Variants in TMOD4 observed in about 807,000 individuals in gnomAD.
The protein encoded by TMOD4 is tropomodulin-4.
TMOD4 carries 34 observed loss-of-function variants against 45.4 expected under a neutral mutation model. The ratio of observed to expected loss-of-function variants is 0.75; its 90% CI spans 0.57 to 1.00. The LOEUF (loss-of-function observed/expected upper bound fraction) is 1.00. TMOD4 is among the 50% of genes least tolerant of loss of function. The pLI is 0.00. For missense variants in TMOD4, 399 were observed against 437.5 expected (o/e 0.91, Z 0.78); for synonymous variants, 131 against 153.9 (o/e 0.85, Z 1.10).
At chr1:151,172,528 G>A (rs1372171390) in intron 4 of TMOD4, among the ~76,000 whole-genome samples, 171 bp from the exon 5 acceptor site, 1 of 152,120 alleles carries the variant, frequency 6.6e-6, no homozygotes, top group Non-Finnish European at 1.5e-5. Flanking sequence ...AACTTCTTAA[G>A]GCAGTAGTTT....
Position 151,169,992 on chromosome 1 carries a change from A to G in TMOD4, c.*89T>C. 1 of 1,518,672 alleles carries G rather than the reference A, an allele frequency of 6.6e-7. No homozygotes were observed. The highest frequency in any genetic ancestry group is 1.1e-5 in the South Asian group (1 of 88,694). The allele number at this position is 1,518,672 out of a possible 1,614,324, so 94.1% of individuals were successfully genotyped here. A position where few individuals can be genotyped will look rare whatever the true frequency, so the allele number is the denominator to read the frequency against. ...AAGGAAGGAGGCAGGCAAAATGGAT[A>G]GAAGGGCTTTTATTTACAGGAAAGG... On this transcript the variant is annotated 3_prime_UTR_variant, in exon 10 of 10. Coordinates refer to ENST00000295314, the MANE Select transcript of TMOD4 (RefSeq NM_013353.3).
At position 151,170,541 on chromosome 1, in the gene TMOD4, G is replaced by A; in HGVS notation, c.993C>T (p.Ala331=). 1 of 1,614,194 alleles carries A rather than the reference G, an allele frequency of 6.2e-7. No individual in the cohort carries two copies. Among genetic ancestry groups the A allele is most frequent in the African/African-American group, 1.3e-5 (1 of 75,050 alleles). The change falls in exon 9 of 10, where the codon GCC becomes GCT. Residue 331 remains alanine, a synonymous_variant. Transcript: ENST00000295314. ...QQGPRARAAQ[A]MTRNNELRRQ... ...CACGTAGTTCATTGTTTCGGGTCATGGCCTGGGCTGCCCGAGCTCGTGGCC... is the reference window on the plus strand; with the variant it reads ...CACGTAGTTCATTGTTTCGGGTCATAGCCTGGGCTGCCCGAGCTCGTGGCC...
chr1:151,171,580 T>C (rs1683956808), intron 6 of TMOD4, 40 bp from the exon 7 acceptor site: 3 of 1,614,122 alleles, frequency 1.9e-6, no homozygotes, highest in East Asian at 2.2e-5. Context: ...TAAGGGACTC[T>C]CGGATGTCAG....
intron 3 of TMOD4, among the ~76,000 whole-genome samples, chr1:151,173,997 C>T (rs867690831): frequency 1.2e-4 from 18 of 151,296 alleles, no homozygotes; most frequent in South Asian, 2.1e-4. Flanking sequence ...GGGCAGATCA[C>T]GAGGTCAGGA....
In TMOD4 at chr1:151,171,481, C is replaced by T. The variant is rs1441016602; in HGVS notation, c.678G>A (p.Val226=). The T allele has an allele frequency of 6.2e-6, 10 of 1,614,038 alleles. No individual in the cohort carries two copies. Among genetic ancestry groups the T allele is most frequent in the African/African-American group, 1.3e-5 (1 of 74,896 alleles). ...LCEAMKANTY[V]RSFSLVATRS... ...TCGTGGCTACCAGACTGAAGCTCCG[C>T]ACATAGGTATTTGCCTTCATTGCCT... The change falls in exon 7 of 10, where the codon GTG becomes GTA. Residue 226 remains valine, a synonymous_variant. Transcript: ENST00000295314.
chr1:151,172,505 G>A (rs776715471), intron 4 of TMOD4, 148 bp from the exon 5 acceptor site: 4 of 617,300 alleles, frequency 6.5e-6, no homozygotes, highest in Non-Finnish European at 1.1e-5. Context: ...CAGCCCCAGG[G>A]GTCCTTTCCA....
Position 151,171,545 on chromosome 1 carries a change from C to G in TMOD4, c.619-5G>C, listed in dbSNP as rs201393339. Reference sequence around the variant, plus strand: ...TAGCATGGGTATTGGGATGTCCTATCGGAGGGGAATAGGAGATGGTGGGCT... The same window carrying G: ...TAGCATGGGTATTGGGATGTCCTATGGGAGGGGAATAGGAGATGGTGGGCT... On this transcript the variant is annotated splice_region_variant and splice_polypyrimidine_tract_variant and intron_variant, in intron 6 of 9. Transcript: ENST00000295314. 9.9e-6 allele frequency: 16 copies of G among 1,613,862 alleles called. No homozygotes were observed. The South Asian group carries it at 1.6e-4, about 17-fold the overall frequency.
chr1:151,173,590 C>T lies in TMOD4; in HGVS notation c.306G>A (p.Arg102=). 6.2e-7 allele frequency: 1 copy of T among 1,614,198 alleles called. No homozygotes were observed. Among genetic ancestry groups the T allele is most frequent in the Non-Finnish European group, 8.5e-7 (1 of 1,180,026 alleles). The change falls in exon 4 of 10, where the codon AGG becomes AGA. Residue 102 remains arginine, a synonymous_variant. Transcript: ENST00000295314. ...KKGKPYIQPK[R]EIPAEEQITL... is the part of the protein sequence containing the mutation. ...TGATCTGCTCCTCTGCTGGGATTTC[C>T]CTCTTGGGCTGAATATAGGGTTTCC... is the stretch of plus-strand genomic sequence containing the variant.
intron 4 of TMOD4, 117 bp downstream of exon 4, chr1:151,173,382 T>C (rs1684013835): frequency 4.1e-6 from 3 of 733,816 alleles, no homozygotes; most frequent in Admixed American, 2.2e-5. Flanking sequence ...AAACTACTGC[T>C]TGACGCTTTC....
At chr1:151,174,039 C>T (rs754741801) in intron 3 of TMOD4, among the ~76,000 whole-genome samples, 13 of 152,104 alleles carry the variant, frequency 8.5e-5, no homozygotes, top group Non-Finnish European at 1.5e-4. Flanking sequence ...CACAGTGAAA[C>T]CCCATCTCTA....
chr1:151,175,121 T>A, intron 1 of TMOD4: 1 of 464,042 alleles, frequency 2.2e-6, no homozygotes, highest in Non-Finnish European at 3.9e-6. Flanking sequence ...TTCCAGCCAC[T>A]CTGGATGGGG....
chr1:151,170,623 G>T lies in TMOD4; in HGVS notation c.911C>A (p.Thr304Asn). ...AATAGAGGGACACTGCTCTAGCACG[G>T]TGGCCATCTCCATCTCCACTGCATC... Reference protein sequence around the residue: ...PGDAVEMEMATVLEQCPSIVR... With the variant: ...PGDAVEMEMANVLEQCPSIVR... The change falls in exon 9 of 10, where the codon ACC (threonine) becomes AAC (asparagine). Residue 304 changes from threonine to asparagine, a missense_variant. Physicochemically the swap from Thr to Asn is moderately conservative, Grantham distance 65 (BLOSUM62 0). Coordinates refer to ENST00000295314, the MANE Select transcript of TMOD4 (RefSeq NM_013353.3). 1 of 1,614,188 alleles carries T rather than the reference G, an allele frequency of 6.2e-7. No individual in the cohort carries two copies. The highest frequency in any genetic ancestry group is 1.3e-5 in the African/African-American group (1 of 75,040).
chr1:151,175,456 G>C (rs1017405048), intron 1 of TMOD4: 1 of 152,236 alleles, frequency 6.6e-6, no homozygotes, highest in African/African-American at 2.4e-5. Flanking sequence ...GGGGGATCAA[G>C]ATTTCACTTT....
rs1683938925 is a variant in TMOD4 at position 151,171,080 on chromosome 1, T to G, written c.727-17A>C. ...AGCCACTGCCTGGGTAGTAGGGACT[T>G]GGGTTAGGATTAGGGAACAGTTTCA... On this transcript the variant is annotated splice_polypyrimidine_tract_variant and intron_variant, in intron 7 of 9. Transcript: ENST00000295314. 6 of 1,613,352 alleles carry G rather than the reference T, an allele frequency of 3.7e-6. No individual in the cohort carries two copies. The highest frequency in any genetic ancestry group is 2.2e-5 in the East Asian group (1 of 44,878).
chr1:151,175,149 T>A (rs1684064525), intron 1 of TMOD4: 1 of 412,522 alleles, frequency 2.4e-6, no homozygotes, highest in East Asian at 5.2e-5. Flanking sequence ...ACATCTAAGC[T>A]GGGTTTGTCT....
chr1:151,170,127 TAA>T (rs773891053), intron 9 of TMOD4, 24 bp from the exon 10 acceptor site: 69 of 1,613,954 alleles, frequency 4.3e-5, no homozygotes, highest in Admixed American at 2.5e-4. Context: ...ATATTAAACA[TAA>T]GTGTTTGTTC....
intron 8 of TMOD4, 119 bp downstream of exon 8, chr1:151,170,799 TCA>T (rs1683929466): frequency 6.6e-7 from 1 of 1,517,058 alleles, no homozygotes; most frequent in African/African-American, 1.4e-5. Context: ...TTGGCTTCCC[TCA>T]CAGAGACAAT....
rs770575570 is a variant in TMOD4 at position 151,171,468 on chromosome 1, G to A, written c.691C>T (p.Leu231=). 6.2e-7 allele frequency: 1 copy of A among 1,614,184 alleles called. No individual in the cohort carries two copies. Among genetic ancestry groups the A allele is most frequent in the Non-Finnish European group, 8.5e-7 (1 of 1,180,028 alleles). ...KANTYVRSFS[L]VATRSGDPIA... The stretch of plus-strand genomic sequence containing the variant: ...GGGTCACCACTCCTCGTGGCTACCA[G>A]ACTGAAGCTCCGCACATAGGTATTT... The change falls in exon 7 of 10, where the codon CTG becomes TTG. Residue 231 remains leucine (L), a synonymous_variant. Coordinates refer to ENST00000295314, the MANE Select transcript of TMOD4 (RefSeq NM_013353.3).
In TMOD4 at chr1:151,171,007, G is replaced by A. The variant is rs1683935345; in HGVS notation, c.783C>T (p.Ser261=). ...TGAGTCCTGTGCTGCTAATGAAGTT[G>A]GATTCGATGTTTAGGCTCTGGAGGC... ...NRSLQSLNIE[S]NFISSTGLMA... The change falls in exon 8 of 10, where the codon TCC becomes TCT. Residue 261 remains serine (S), a synonymous_variant. Coordinates refer to ENST00000295314, the MANE Select transcript of TMOD4 (RefSeq NM_013353.3). 4 of 1,614,188 alleles carry A rather than the reference G, an allele frequency of 2.5e-6. No individual in the cohort carries two copies. The highest frequency in any genetic ancestry group is 3.4e-6 in the Non-Finnish European group (4 of 1,180,036).
Sources: allele counts gnomAD v4.1 joint callset (sites outside exome capture counted in the v4.1 genomes callset), GRCh38; gene constraint gnomAD v4.1.1; transcripts MANE v1.5; gene names NCBI Gene and HGNC (gene_info 2026-07-23, HGNC 2026-07-21).